DCT: variants seen among roughly 807,000 people sequenced by gnomAD.
DCT encodes L-dopachrome tautomerase.
A neutral mutation model predicts 53.0 loss-of-function variants in DCT; 47 were observed. The ratio of observed to expected loss-of-function variants is 0.89; its 90% CI spans 0.70 to 1.13. The LOEUF (loss-of-function observed/expected upper bound fraction) is 1.13. DCT is among the 50% of genes most tolerant of loss of function. The pLI, the probability that DCT is intolerant of heterozygous loss-of-function variation, is 0.00. For synonymous variants in DCT, 244 were observed against 237.0 expected, an observed-to-expected ratio of 1.03 and a Z score of -0.27; for missense variants, 669 against 637.4, an observed-to-expected ratio of 1.05 and a Z score of -0.53.
At position 94,438,783 on chromosome 13, in the gene DCT, A is replaced by T. The variant is rs374871337; in HGVS notation, c.*1115T>A. 7.1e-5 allele frequency: 28 copies of T among 391,886 alleles called. No homozygotes were observed. Among genetic ancestry groups the T allele is most frequent in the African/African-American group, 5.4e-4 (26 of 48,310 alleles). 24.3% of individuals were successfully genotyped at this position (391,886 alleles called of 1,614,324 possible). A position where few individuals can be genotyped will look rare whatever the true frequency, so the allele number is the denominator to read the frequency against. ...TATAACCACTTAATTCTGAATTGTC[A>T]TGTTTTGTACAGATGGTTTGCTTTC... On this transcript the variant is annotated 3_prime_UTR_variant, in exon 8 of 8. Coordinates refer to ENST00000377028, the MANE Select transcript of DCT (RefSeq NM_001922.5).
At chr13:94,545,516 A>T in the DCT span, among the ~76,000 whole-genome samples, 6 of 152,078 alleles carry the variant, frequency 3.9e-5, no homozygotes, top group Non-Finnish European at 7.4e-5. Flanking sequence ...TAGGCCAACC[A>T]CAAAAGGCGC....
chr13:94,517,143 T>C, the DCT span, among the ~76,000 whole-genome samples: 1 of 152,180 alleles, frequency 6.6e-6, no homozygotes, highest in African/African-American at 2.4e-5. Flanking sequence ...ATTATATAGG[T>C]TGGAAATGAT....
chr13:94,523,865 G>A, the DCT span, among the ~76,000 whole-genome samples: 1,381 of 151,920 alleles, frequency 9.1e-3, 19 homozygotes, highest in African/African-American at 0.032. Flanking sequence ...AAAATTCTGA[G>A]GACTCCATTT....
rs201705606 is a variant in DCT, at chr13:94,440,055, C to T, written c.1403G>A (p.Gly468Asp). 1.9e-6 allele frequency: 3 copies of T among 1,613,766 alleles called. No individual in the cohort carries two copies. The highest frequency in any genetic ancestry group is 2.5e-6 in the Non-Finnish European group (3 of 1,179,878). Residue 468 changes from glycine (G) to aspartate (D), a missense_variant, in exon 8 of 8, where the codon GGT (glycine) becomes GAT (aspartate). Physicochemically the swap from Gly to Asp is moderately conservative, Grantham distance 94. Transcript: ENST00000377028. Reference protein sequence around the residue: ...DLPVSVEETPGWPTTLLVVMG... With the variant: ...DLPVSVEETPDWPTTLLVVMG... ...GACTACTAAGAGAGTTGTGGGCCAA[C>T]CTGGAGTTTCTTCAACTGAAACTAA...
the DCT span, among the ~76,000 whole-genome samples, chr13:94,539,608 G>A: frequency 1.3e-5 from 2 of 152,058 alleles, no homozygotes; most frequent in Non-Finnish European, 1.5e-5. Flanking sequence ...ATTATTGTTT[G>A]TAAAATAATT....
chr13:94,449,529 G>C (rs997763884), intron 6 of DCT, among the ~76,000 whole-genome samples: 1 of 152,164 alleles, frequency 6.6e-6, no homozygotes, highest in African/African-American at 2.4e-5. Context: ...CTATTGCTCT[G>C]GTCCTCTGAG....
the DCT span, among the ~76,000 whole-genome samples, chr13:94,510,786 G>A: frequency 3.9e-5 from 6 of 152,054 alleles, no homozygotes; most frequent in East Asian, 1.9e-4. Flanking sequence ...CCAAGCTCAC[G>A]CATCCAACCC....
chr13:94,462,496 T>C (rs917565044), intron 4 of DCT, among the ~76,000 whole-genome samples: 4 of 149,066 alleles, frequency 2.7e-5, no homozygotes, highest in Admixed American at 2.0e-4. Context: ...TGAGACCCTG[T>C]CTCAAGAAAA....
chr13:94,442,017 A>AT (rs112411541), intron 7 of DCT, among the ~76,000 whole-genome samples: 5,747 of 151,006 alleles, frequency 0.038, 381 homozygotes, highest in African/African-American at 0.13. Context: ...ACTATTTTCT[A>AT]TTTTTTTTTG....
At chr13:94,455,783 T>C (rs976362049) in intron 6 of DCT, among the ~76,000 whole-genome samples, 1 of 152,232 alleles carries the variant, frequency 6.6e-6, no homozygotes. Context: ...TCATTTTTAA[T>C]AGGAGAGAAA....
chr13:94,493,206 T>C, the DCT span, among the ~76,000 whole-genome samples: 1 of 152,196 alleles, frequency 6.6e-6, no homozygotes, highest in Non-Finnish European at 1.5e-5. Context: ...TTCCACATTA[T>C]TAGCCATCAT....
chr13:94,455,569 T>C (rs1216862710), intron 6 of DCT, among the ~76,000 whole-genome samples: 1 of 152,196 alleles, frequency 6.6e-6, no homozygotes, highest in East Asian at 1.9e-4. Context: ...TTATGCATGA[T>C]CTATGGCTGA....
At chr13:94,499,550 T>C in the DCT span, among the ~76,000 whole-genome samples, 1 of 152,196 alleles carries the variant, frequency 6.6e-6, no homozygotes, top group African/African-American at 2.4e-5. Context: ...CTCTTCAGGA[T>C]GTTCAAAAGC....
At chr13:94,500,100 A>G in the DCT span, among the ~76,000 whole-genome samples, 1 of 152,142 alleles carries the variant, frequency 6.6e-6, no homozygotes, top group Admixed American at 6.5e-5. Flanking sequence ...TATACACTAG[A>G]TCTCCAGAGC....
At chr13:94,528,509 T>C in the DCT span, among the ~76,000 whole-genome samples, 1 of 152,212 alleles carries the variant, frequency 6.6e-6, no homozygotes, top group Non-Finnish European at 1.5e-5. Context: ...GAAAAGAATT[T>C]TCAACCCAGA....
intron 2 of DCT, chr13:94,467,473 T>C (rs1233978427): frequency 6.6e-6 from 1 of 152,228 alleles, no homozygotes; most frequent in East Asian, 1.9e-4. Flanking sequence ...ACTAGGACTT[T>C]CTTTTCCTCT....
chr13:94,498,385 A>T, the DCT span, among the ~76,000 whole-genome samples: 1 of 152,256 alleles, frequency 6.6e-6, no homozygotes, highest in African/African-American at 2.4e-5. Context: ...CTCCAGATTC[A>T]TACTGATGCC....
chr13:94,484,608 T>A (rs1454545288), upstream of DCT, among the ~76,000 whole-genome samples: 5 of 152,204 alleles, frequency 3.3e-5, no homozygotes, highest in East Asian at 7.7e-4. Context: ...CAGGGTTGGA[T>A]TCGTCTGTCA....
chr13:94,454,197 C>T (rs1022957888), intron 6 of DCT, among the ~76,000 whole-genome samples: 7 of 152,100 alleles, frequency 4.6e-5, no homozygotes, highest in Admixed American at 1.3e-4. Context: ...AGAATGTCAA[C>T]GTACAAGGTA....
Sources: gnomAD v4.1 joint callset for allele counts (sites outside exome capture counted in the v4.1 genomes callset) on GRCh38, gnomAD v4.1.1 for gene constraint, MANE v1.5 for transcripts, NCBI Gene and HGNC (gene_info 2026-07-23, HGNC 2026-07-21) for gene names.